Variants in DHX34 observed in about 807,000 individuals in gnomAD.
DHX34 encodes DExH-box helicase 34, also known as probable ATP-dependent RNA helicase DHX34.
Under a neutral mutation model 111.1 loss-of-function variants are expected in DHX34, and 96 were observed. The observed-to-expected ratio is 0.86, with a 90% CI of 0.73 to 1.02. The LOEUF (loss-of-function observed/expected upper bound fraction) is 1.02, where lower values mean the gene tolerates loss of function less well. Ranked by LOEUF, DHX34 falls within the 50% of genes least tolerant of loss-of-function variation. DHX34 has a pLI of 0.00. For synonymous variants in DHX34, 688 were observed against 670.4 expected, an observed-to-expected ratio of 1.03 and a Z score of -0.41; for missense variants, 1,560 against 1,579.9, an observed-to-expected ratio of 0.99 and a Z score of 0.21.
chr19:47,352,439 G>A (rs1969314879), intron 1 of DHX34, among the ~76,000 whole-genome samples: 1 of 152,224 alleles, frequency 6.6e-6, no homozygotes, highest in African/African-American at 2.4e-5. Context: ...ACTTTGGGAG[G>A]CTAAGGTGGG....
In DHX34 at chr19:47,360,915, C is replaced by G. The variant is rs182667898; in HGVS notation, c.1375+845C>G. ...TCGAACTCCTGACCTCAAGTGCTGC[C>G]TGCCTCAGCCTCCCAAAGTGCTGGG... On this transcript the variant is annotated intron_variant, in intron 5 of 16. Coordinates refer to ENST00000328771, the MANE Select transcript of DHX34 (RefSeq NM_014681.6). Among the ~76,000 whole-genome samples the G allele has an allele frequency of 1.5e-3, 221 of 152,116 alleles. 1 individual carries two copies. The highest frequency in any genetic ancestry group is 5.1e-3 in the African/African-American group (210 of 41,520).
intron 16 of DHX34, 170 bp downstream of exon 16, chr19:47,381,494 A>AG: frequency 1.0e-6 from 1 of 978,280 alleles, no homozygotes; most frequent in Non-Finnish European, 1.5e-6. Context: ...CAGGAGCCCA[A>AG]GGCAGGGAGA....
In DHX34 at chr19:47,362,584, C is replaced by G. The variant is rs528361096; in HGVS notation, c.1484C>G (p.Thr495Arg). The G allele has an allele frequency of 1.9e-6, 3 of 1,613,562 alleles. No homozygotes were observed. The African/African-American group carries it at 4.0e-5, about 22-fold the overall frequency. ...CAGCGGAAGGGCCGGGCGGGCCGCA[C>G]GGGCCCCGGAGTCTGCTTCCGCCTC... The part of the protein sequence containing the change: ...AEQRKGRAGR[T>R]GPGVCFRLYA... Residue 495 changes from threonine (T) to arginine (R), a missense_variant, in exon 6 of 17, where the codon ACG becomes AGG. By Grantham distance (71) the Thr-to-Arg change is moderately conservative. Coordinates refer to ENST00000328771, the MANE Select transcript of DHX34 (RefSeq NM_014681.6).
chr19:47,379,571 AGCGGGTAGATG>A (rs1970283163), intron 13 of DHX34, 128 bp from the exon 14 acceptor site: 19 of 1,472,456 alleles, frequency 1.3e-5, no homozygotes, highest in South Asian at 2.8e-5. Flanking sequence ...TGCCTGGTAC[AGCGGGTAGATG>A]GCGGGTAGGT....
intron 6 of DHX34, among the ~76,000 whole-genome samples, chr19:47,365,989 A>G (rs1383347489): frequency 6.6e-6 from 1 of 152,192 alleles, no homozygotes; most frequent in South Asian, 2.1e-4. Flanking sequence ...CAATCCAAGA[A>G]TTTCTCCATC....
intron 12 of DHX34, chr19:47,376,817 CA>C (rs1970177814): frequency 6.6e-7 from 1 of 1,523,192 alleles, no homozygotes; most frequent in East Asian, 2.5e-5. Flanking sequence ...GAGCACCGGT[CA>C]GGGGGCCTGT....
intron 10 of DHX34, 78 bp downstream of exon 10, chr19:47,375,786 T>G (rs1401601666): frequency 6.4e-7 from 1 of 1,562,292 alleles, no homozygotes; most frequent in African/African-American, 1.4e-5. Context: ...CCAGGGGACA[T>G]GGCCCTGTCC....
At position 47,376,507 on chromosome 19, in the gene DHX34, C is replaced by G; in HGVS notation, c.2546C>G (p.Pro849Arg). The G allele has an allele frequency of 1.3e-6, 2 of 1,599,464 alleles. No individual in the cohort carries two copies. The highest frequency in any genetic ancestry group is 1.7e-6 in the Non-Finnish European group (2 of 1,173,552). Residue 849 changes from proline (P) to arginine (R), a missense_variant, in exon 12 of 17, where the codon CCC becomes CGC. Transcript: ENST00000328771. ...LHPTCVFAGS[P>R]EVLHAQELEA... The stretch of plus-strand genomic sequence containing the variant: ...CCCACCTGCGTCTTCGCTGGCAGCC[C>G]CGAGGTGCTGCACGCACAGGAGCTG...
chr19:47,377,936 C>T (rs1480401594), intron 13 of DHX34, among the ~76,000 whole-genome samples: 1 of 152,106 alleles, frequency 6.6e-6, no homozygotes, highest in Non-Finnish European at 1.5e-5. Flanking sequence ...GCTCCTCGAG[C>T]GTCTTTGTGA....
rs778363247 is a variant in DHX34 at position 47,377,142 on chromosome 19, T to C, written c.2642T>C (p.Phe881Ser). The part of the protein sequence containing the change: ...KMSSKHQLLS[F>S]VSLLETNKPY... ...AGCAGCAAACACCAGCTCCTCAGCT[T>C]CGTGTCCCTGCTGGAGACCAACAAG... The change falls in exon 13 of 17, where the codon TTC becomes TCC. Residue 881 changes from phenylalanine (F) to serine (S), a missense_variant. By Grantham distance (155) the Phe-to-Ser change is radical. Transcript: ENST00000328771. The C allele has an allele frequency of 1.2e-6, 2 of 1,613,822 alleles. No individual in the cohort carries two copies. The highest frequency in any genetic ancestry group is 2.7e-5 in the African/African-American group (2 of 74,926).
intron 13 of DHX34, among the ~76,000 whole-genome samples, chr19:47,379,335 G>C (rs745201): frequency 0.1 from 14,771 of 144,060 alleles, 976 homozygotes; most frequent in African/African-American, 0.19. Context: ...CACAGCACTG[G>C]TAATTACAGC....
chr19:47,367,140 G>A lies in DHX34; in HGVS notation c.1753G>A (p.Val585Met). Residue 585 changes from valine (V) to methionine (M), a missense_variant, in exon 7 of 17, where the codon GTG (valine) becomes ATG (methionine). Physicochemically the swap from Val to Met is conservative, Grantham distance 21. Transcript: ENST00000328771. The stretch of plus-strand genomic sequence containing the variant: ...TGGGTCCCTGCTAGCCCAGCTGCCT[G>A]TGGACGTTGTGATTGGTGAGTACCC... ...PIGSLLAQLP[V>M]DVVIGKMLIL... 1 of 1,545,260 alleles carries A rather than the reference G, an allele frequency of 6.5e-7. No homozygotes were observed. Among genetic ancestry groups the A allele is most frequent in the Non-Finnish European group, 8.7e-7 (1 of 1,144,310 alleles).
In DHX34 at chr19:47,353,055, G is replaced by C. The variant is rs746948291; in HGVS notation, c.25G>C (p.Gly9Arg). The C allele has an allele frequency of 1.3e-5, 21 of 1,613,372 alleles. No homozygotes were observed. The East Asian group carries it at 3.6e-4, about 27-fold the overall frequency. Residue 9 changes from glycine to arginine, a missense_variant, in exon 2 of 17, where the codon GGC (glycine) becomes CGC (arginine). Physicochemically the swap from Gly to Arg is moderately radical, Grantham distance 125. Transcript: ENST00000328771. The surrounding 1 kb of genome is among the most constrained non-coding windows in gnomAD (Gnocchi z 4.6). Reference sequence around the variant, plus strand: ...CATGCCTCCTCCTAGAACAAGGGAGGGCAGGGATCGCCGAGACCACCACCG... The same window carrying C: ...CATGCCTCCTCCTAGAACAAGGGAGCGCAGGGATCGCCGAGACCACCACCG... The part of the protein sequence containing the change: MPPPRTRE[G>R]RDRRDHHRAP...
chr19:47,369,345 T>C (rs1172748195), intron 7 of DHX34, among the ~76,000 whole-genome samples: 1 of 152,200 alleles, frequency 6.6e-6, no homozygotes, highest in Non-Finnish European at 1.5e-5. Flanking sequence ...TTTCACCATG[T>C]CGGCCGTGCT....
rs773778745 is a variant in DHX34, at chr19:47,375,695, G to C, written c.2294G>C (p.Gly765Ala). 2 of 1,560,210 alleles carry C rather than the reference G, an allele frequency of 1.3e-6. No individual in the cohort carries two copies. Among genetic ancestry groups the C allele is most frequent in the East Asian group, 2.3e-5 (1 of 42,556 alleles). ...CCAGCCCCCCCAGGGGCCAGTGATGGCGTGGACATCCAGGTGGGCGCCATG... is the reference window on the plus strand; with the variant it reads ...CCAGCCCCCCCAGGGGCCAGTGATGCCGTGGACATCCAGGTGGGCGCCATG... ...AGPAPPGASD[G>A]VDIQDVKFKL... Residue 765 changes from glycine to alanine, a missense_variant, in exon 10 of 17, where the codon GGC (glycine) becomes GCC (alanine). Gly to Ala is a moderately conservative substitution (Grantham distance 60). Transcript: ENST00000328771.
intron 13 of DHX34, among the ~76,000 whole-genome samples, chr19:47,379,140 AAATT>A (rs1276540728): frequency 6.8e-6 from 1 of 147,724 alleles, no homozygotes. Flanking sequence ...ATAAATAAAT[AAATT>A]AATAATAATA....
Position 47,375,727 on chromosome 19 carries a change from G to A in DHX34, c.2307+19G>A, listed in dbSNP as rs892719623. On this transcript the variant is annotated intron_variant, in intron 10 of 16. Coordinates refer to ENST00000328771, the MANE Select transcript of DHX34 (RefSeq NM_014681.6). The stretch of plus-strand genomic sequence containing the variant: ...CATCCAGGTGGGCGCCATGGGCTGT[G>A]GGGTGTGGGGGTTTACCAAGGTGGG... 6.4e-7 allele frequency: 1 copy of A among 1,557,718 alleles called. No individual in the cohort carries two copies. Among genetic ancestry groups the A allele is most frequent in the African/African-American group, 1.4e-5 (1 of 73,294 alleles).
At position 47,362,618 on chromosome 19, in the gene DHX34, A is replaced by G; in HGVS notation, c.1518A>G (p.Glu506=). 1 of 1,613,938 alleles carries G rather than the reference A, an allele frequency of 6.2e-7. No individual in the cohort carries two copies. Among genetic ancestry groups the G allele is most frequent in the Non-Finnish European group, 8.5e-7 (1 of 1,180,008 alleles). ...GAGTCTGCTTCCGCCTCTATGCCGA[A>G]TCGGACTATGATGCCTTCGCCCCCT... ...GPGVCFRLYA[E]SDYDAFAPYP... The change falls in exon 6 of 17, where the codon GAA becomes GAG. Residue 506 remains glutamate, a synonymous_variant. Transcript: ENST00000328771.
At chr19:47,376,165 G>A in intron 11 of DHX34, 68 bp downstream of exon 11, 1 of 1,514,686 alleles carries the variant, frequency 6.6e-7, no homozygotes, top group East Asian at 2.3e-5. Flanking sequence ...CCTGTCCTGT[G>A]CCGGGAATGC....
Sources: allele counts gnomAD v4.1 joint callset (sites outside exome capture counted in the v4.1 genomes callset), GRCh38; gene constraint gnomAD v4.1.1; non-coding constraint Gnocchi (gnomAD v3.1); transcripts MANE v1.5; gene names NCBI Gene and HGNC (gene_info 2026-07-23, HGNC 2026-07-21).